Variants in KDM5B observed in about 807,000 individuals in gnomAD.
KDM5B encodes the protein lysine demethylase 5B.
KDM5B carries 144 observed loss-of-function variants against 193.4 expected under a neutral mutation model. The observed-to-expected ratio is 0.74, with a 90% CI of 0.65 to 0.86. The LOEUF (loss-of-function observed/expected upper bound fraction) is 0.86. KDM5B is among the 40% of genes least tolerant of loss of function. KDM5B has a pLI of 0.00. For missense variants in KDM5B, 1,833 were observed against 1,886.9 expected (o/e 0.97, Z 0.53); for synonymous variants, 668 against 682.6 (o/e 0.98, Z 0.33).
chr1:202,741,274 T>G, intron 19 of KDM5B, 93 bp downstream of exon 19: 1 of 827,458 alleles, frequency 1.2e-6, no homozygotes, highest in South Asian at 2.3e-5. Flanking sequence ...CCGCAGCTAC[T>G]GAGCACTTGC....
At chr1:202,738,802 T>A (rs1378501621) in intron 20 of KDM5B, among the ~76,000 whole-genome samples, 2 of 152,236 alleles carry the variant, frequency 1.3e-5, no homozygotes, top group Non-Finnish European at 2.9e-5. Context: ...GCCAGTCGTC[T>A]GAAAACTGGG....
chr1:202,795,057 T>C (rs538691251), intron 1 of KDM5B, among the ~76,000 whole-genome samples: 2 of 150,714 alleles, frequency 1.3e-5, no homozygotes, highest in African/African-American at 4.9e-5. Context: ...CTACTAAAAA[T>C]ACAAAAATTA....
intron 1 of KDM5B, 123 bp from the exon 2 acceptor site, chr1:202,777,217 C>G: frequency 1.4e-6 from 1 of 698,262 alleles, no homozygotes. Flanking sequence ...AAATAGAACA[C>G]AGAGTAGTGG....
At chr1:202,733,265 A>G in intron 23 of KDM5B, 136 bp downstream of exon 23, 2 of 857,306 alleles carry the variant, frequency 2.3e-6, no homozygotes, top group South Asian at 3.6e-5. Flanking sequence ...TGAAGTGGGA[A>G]GCTACAGGTA....
chr1:202,757,369 G>C (rs1384653430), intron 9 of KDM5B, among the ~76,000 whole-genome samples: 2 of 152,186 alleles, frequency 1.3e-5, no homozygotes. Context: ...ACTTGTAGCA[G>C]CACGCCCTTA....
intron 2 of KDM5B, 111 bp from the exon 3 acceptor site, chr1:202,774,846 T>G: frequency 4.8e-6 from 4 of 831,874 alleles, no homozygotes; most frequent in Middle Eastern, 3.1e-4. Context: ...CTTAAAAAAA[T>G]TTTTTTTTAA....
At chr1:202,798,728 C>T (rs905448312) in intron 1 of KDM5B, among the ~76,000 whole-genome samples, 3 of 151,988 alleles carry the variant, frequency 2.0e-5, no homozygotes, top group Non-Finnish European at 2.9e-5. Flanking sequence ...AAAAAGAAAA[C>T]AATCCCTTCA....
chr1:202,789,214 G>C (rs1252353853), intron 1 of KDM5B, among the ~76,000 whole-genome samples: 1 of 152,086 alleles, frequency 6.6e-6, no homozygotes, highest in Admixed American at 6.6e-5. Context: ...TGACACATTT[G>C]CAATAGTATT....
At chr1:202,803,269 A>G (rs1658149890) in intron 1 of KDM5B, among the ~76,000 whole-genome samples, 1 of 152,176 alleles carries the variant, frequency 6.6e-6, no homozygotes, top group African/African-American at 2.4e-5. Flanking sequence ...CATGTTTAAA[A>G]CCATACCCTA....
At position 202,724,634 on chromosome 1, in the gene KDM5B, T is replaced by C. The variant is rs867263029; in HGVS notation, c.*4402A>G. ...AATTTTAGTGTTTATTAAATGGATA[T>C]ACATATTTATGATTTAGGTTAAATA... On this transcript the variant is annotated 3_prime_UTR_variant, in exon 27 of 27. Coordinates refer to ENST00000367265, the MANE Select transcript of KDM5B (RefSeq NM_006618.5). The C allele has an allele frequency of 1.6e-4, 25 of 152,386 alleles. No homozygotes were observed. Among genetic ancestry groups the C allele is most frequent in the African/African-American group, 5.5e-4 (23 of 41,586 alleles). The allele number at this position is 152,386 out of a possible 1,614,324, so 9.4% of individuals were successfully genotyped here. A position where few individuals can be genotyped will look rare whatever the true frequency, so the allele number is the denominator to read the frequency against.
intron 3 of KDM5B, 137 bp downstream of exon 3, chr1:202,774,476 C>T: frequency 1.4e-6 from 1 of 740,348 alleles, no homozygotes; most frequent in Non-Finnish European, 2.2e-6. Flanking sequence ...AATCCTCCTC[C>T]CTTGACCTCC....
intron 11 of KDM5B, 99 bp from the exon 12 acceptor site, chr1:202,753,166 CA>C: frequency 9.9e-7 from 1 of 1,011,144 alleles, no homozygotes; most frequent in South Asian, 1.6e-5. Context: ...TAAGACTACG[CA>C]AAAAAGGAAT....
intron 4 of KDM5B, among the ~76,000 whole-genome samples, chr1:202,772,496 A>T (rs1656761412): frequency 1.3e-5 from 2 of 152,182 alleles, no homozygotes; most frequent in Non-Finnish European, 2.9e-5. Flanking sequence ...ATACCTTCAT[A>T]TGACAGCCAG....
At chr1:202,750,900 G>T in intron 12 of KDM5B, 122 bp from the exon 13 acceptor site, 1 of 949,242 alleles carries the variant, frequency 1.1e-6, no homozygotes, top group Non-Finnish European at 1.6e-6. Flanking sequence ...AATTGAGCCA[G>T]AAAAAACAAA....
chr1:202,768,451 A>G (rs1656566171), intron 4 of KDM5B, among the ~76,000 whole-genome samples: 1 of 152,236 alleles, frequency 6.6e-6, no homozygotes, highest in Admixed American at 6.5e-5. Flanking sequence ...TTACTACCAT[A>G]GAATCTCACT....
chr1:202,752,562 C>T (rs1655835383), intron 12 of KDM5B, among the ~76,000 whole-genome samples: 2 of 152,216 alleles, frequency 1.3e-5, no homozygotes, highest in African/African-American at 2.4e-5. Flanking sequence ...TTAGCAACCT[C>T]TAGACTTTTC....
chr1:202,782,943 G>A (rs2102314926), intron 1 of KDM5B, among the ~76,000 whole-genome samples: 1 of 152,218 alleles, frequency 6.6e-6, no homozygotes, highest in South Asian at 2.1e-4. Flanking sequence ...CTTGAGCCTG[G>A]GAGCTCAAGA....
In KDM5B at chr1:202,764,129, A is replaced by G; in HGVS notation, c.728T>C (p.Ile243Thr). The change falls in exon 6 of 27, where the codon ATA becomes ACA. Residue 243 changes from isoleucine to threonine, a missense_variant. This residue lies in a region of KDM5B where 355 missense variants were observed against 374.9 expected (regional missense o/e 0.95). Coordinates refer to ENST00000367265, the MANE Select transcript of KDM5B (RefSeq NM_006618.5). ...GGCTTCCGTTGTCTCCTCGGGTTCT[A>G]TTTTAATATTCATGGCCTTAAAAAA... Reference protein sequence around the residue: ...RMRAEAMNIKIEPEETTEART... With the variant: ...RMRAEAMNIKTEPEETTEART... 1 of 1,552,130 alleles carries G rather than the reference A, an allele frequency of 6.4e-7. No homozygotes were observed. The highest frequency in any genetic ancestry group is 1.4e-5 in the African/African-American group (1 of 72,870).
In KDM5B at chr1:202,808,250, C is replaced by A; in HGVS notation, c.56G>T (p.Gly19Val). ...PGPRPALPLG[G>V]PGPLGEFLPP... ...CAGGAACTCGCCCAGCGGGCCCGGG[C>A]CCCCGAGGGGCAGCGCCGGGCGCGG... The change falls in exon 1 of 27, where the codon GGC becomes GTC. Residue 19 changes from glycine to valine, a missense_variant. Gly to Val is a moderately radical substitution (Grantham distance 109). Coordinates refer to ENST00000367265, the MANE Select transcript of KDM5B (RefSeq NM_006618.5). 6.2e-7 allele frequency: 1 copy of A among 1,611,106 alleles called. No individual in the cohort carries two copies. Among genetic ancestry groups the A allele is most frequent in the Middle Eastern group, 1.8e-4 (1 of 5,520 alleles).
Sources: allele counts gnomAD v4.1 joint callset (sites outside exome capture counted in the v4.1 genomes callset), GRCh38; gene constraint gnomAD v4.1.1; regional missense constraint gnomAD v4.1.1; transcripts MANE v1.5; gene names NCBI Gene and HGNC (gene_info 2026-07-23, HGNC 2026-07-21).